ACBD6: variants seen among roughly 807,000 people sequenced by gnomAD.
ACBD6 encodes acyl-CoA binding domain containing 6, also known as acyl-CoA-binding domain-containing protein 6.
ACBD6 carries 28 observed loss-of-function variants against 37.2 expected under a neutral mutation model. The ratio of observed to expected loss-of-function variants is 0.75; its 90% CI spans 0.56 to 1.03. The LOEUF (loss-of-function observed/expected upper bound fraction) is 1.03, where lower values mean the gene tolerates loss of function less well. Ranked by LOEUF, ACBD6 falls within the 50% of genes least tolerant of loss-of-function variation. The pLI, the probability that ACBD6 is intolerant of heterozygous loss-of-function variation, is 0.00. For synonymous variants in ACBD6, 113 were observed against 126.8 expected (o/e 0.89, Z 0.73); for missense variants, 340 against 337.4 (o/e 1.01, Z -0.06).
At chr1:180,432,062 C>A (rs1198788959) in intron 3 of ACBD6, among the ~76,000 whole-genome samples, 1 of 151,956 alleles carries the variant, frequency 6.6e-6, no homozygotes, top group Non-Finnish European at 1.5e-5. Context: ...AAAAAACTAG[C>A]CAGGCATGGT....
chr1:180,479,215 A>G (rs531439781), intron 3 of ACBD6, among the ~76,000 whole-genome samples: 1 of 152,334 alleles, frequency 6.6e-6, no homozygotes, highest in South Asian at 2.1e-4. Context: ...TTGCAGCACT[A>G]TTCACAATGG....
At chr1:180,468,846 G>C (rs1448610686) in intron 3 of ACBD6, among the ~76,000 whole-genome samples, 2 of 152,180 alleles carry the variant, frequency 1.3e-5, no homozygotes, top group African/African-American at 2.4e-5. Flanking sequence ...CCTTATCCTA[G>C]TTTCCACAAC....
At chr1:180,436,860 C>T (rs1435725632) in intron 3 of ACBD6, among the ~76,000 whole-genome samples, 1 of 152,130 alleles carries the variant, frequency 6.6e-6, no homozygotes, top group Non-Finnish European at 1.5e-5. Context: ...TATGAAAAGG[C>T]CACAGTTAAC....
intron 6 of ACBD6, among the ~76,000 whole-genome samples, chr1:180,392,918 A>C (rs973148510): frequency 1.3e-5 from 2 of 152,070 alleles, no homozygotes; most frequent in Admixed American, 1.3e-4. Context: ...TTTTTCTTTT[A>C]AACTGCATAA....
At chr1:180,283,895 G>A (rs146451998), downstream of ACBD6, among the ~76,000 whole-genome samples, 962 of 152,048 alleles carry the variant, frequency 6.3e-3, 10 homozygotes, top group African/African-American at 0.022. Flanking sequence ...CAGCTGGTAC[G>A]TATATAATGC....
At chr1:180,301,758 A>C (rs909384103) in intron 7 of ACBD6, among the ~76,000 whole-genome samples, 1 of 152,126 alleles carries the variant, frequency 6.6e-6, no homozygotes, top group Non-Finnish European at 1.5e-5. Flanking sequence ...TTTTAACTGT[A>C]ATACACAATT....
chr1:180,336,978 G>C lies in ACBD6; in HGVS notation c.664-22256C>G, dbSNP rs190839944. Among the ~76,000 whole-genome samples the C allele has an allele frequency of 1.8e-3, 269 of 152,244 alleles. 1 individual carries two copies. The highest frequency in any genetic ancestry group is 5.8e-3 in the African/African-American group (241 of 41,520). On this transcript the variant is annotated intron_variant, in intron 6 of 7. Transcript: ENST00000367595. ...CAGGAAGAAGTTGAATCTCTGAAGAGACCAATAACAGGCTCTGAAATTGAG... is the reference window on the plus strand; with the variant it reads ...CAGGAAGAAGTTGAATCTCTGAAGACACCAATAACAGGCTCTGAAATTGAG...
At chr1:180,339,043 G>C (rs1651861892) in intron 6 of ACBD6, among the ~76,000 whole-genome samples, 1 of 152,248 alleles carries the variant, frequency 6.6e-6, no homozygotes, top group South Asian at 2.1e-4. Context: ...AGGTGCTAGA[G>C]AGGATGTGGA....
intron 3 of ACBD6, among the ~76,000 whole-genome samples, chr1:180,487,021 GA>G (rs113671368): frequency 0.037 from 5,502 of 149,996 alleles, 313 homozygotes; most frequent in African/African-American, 0.12. Context: ...GCAAGAAAGG[GA>G]AAAAAAAATG....
At chr1:180,322,825 C>A (rs955802502) in intron 6 of ACBD6, among the ~76,000 whole-genome samples, 27 of 148,196 alleles carry the variant, frequency 1.8e-4, no homozygotes, top group African/African-American at 5.4e-4. Flanking sequence ...TGACTGTATT[C>A]TTTCCTTCAT....
At chr1:180,501,927 AAT>A in intron 1 of ACBD6, 116 bp downstream of exon 1, 3 of 994,782 alleles carry the variant, frequency 3.0e-6, no homozygotes, top group Admixed American at 2.2e-5. Context: ...AACAAAACAA[AAT>A]ACACATACAC....
intron 3 of ACBD6, among the ~76,000 whole-genome samples, chr1:180,474,492 A>G (rs897540006): frequency 5.3e-5 from 8 of 152,140 alleles, no homozygotes; most frequent in Non-Finnish European, 1.5e-5. Context: ...TGTCATGTGG[A>G]GAAAATAATT....
Position 180,353,429 on chromosome 1 carries a change from T to C in ACBD6, c.664-38707A>G, listed in dbSNP as rs148595713. ...CAGAAAAAATTTGGGCAGCATTTCATAGAAGACAACTGCAACTCTGAACAT... is the reference window on the plus strand; with the variant it reads ...CAGAAAAAATTTGGGCAGCATTTCACAGAAGACAACTGCAACTCTGAACAT... On this transcript the variant is annotated intron_variant, in intron 6 of 7. Transcript: ENST00000367595. 4.7e-3 allele frequency among the ~76,000 whole-genome samples: 718 copies of C among 152,284 alleles called. 5 individuals carry two copies. The highest frequency in any genetic ancestry group is 0.014 in the African/African-American group (596 of 41,556).
intron 3 of ACBD6, among the ~76,000 whole-genome samples, chr1:180,488,531 G>A (rs1476164455): frequency 6.6e-6 from 1 of 151,750 alleles, no homozygotes; most frequent in Non-Finnish European, 1.5e-5. Flanking sequence ...ACAGGGCTCT[G>A]GACTCATATA....
At chr1:180,424,305 T>C (rs1648495348) in intron 4 of ACBD6, among the ~76,000 whole-genome samples, 1 of 152,178 alleles carries the variant, frequency 6.6e-6, no homozygotes, top group Non-Finnish European at 1.5e-5. Context: ...TATAGTATGG[T>C]TACTATACTA....
At chr1:180,369,778 T>C (rs1653185605) in intron 6 of ACBD6, among the ~76,000 whole-genome samples, 2 of 152,206 alleles carry the variant, frequency 1.3e-5, no homozygotes, top group Admixed American at 1.3e-4. Context: ...GTACATCAAA[T>C]TTATCTTTAG....
chr1:180,345,366 C>T (rs1286101041), intron 6 of ACBD6, among the ~76,000 whole-genome samples: 1 of 152,140 alleles, frequency 6.6e-6, no homozygotes, highest in Non-Finnish European at 1.5e-5. Context: ...AAAACAGTTC[C>T]TCCTCTACAG....
chr1:180,455,025 T>C (rs1437017329), intron 3 of ACBD6, among the ~76,000 whole-genome samples: 6 of 152,206 alleles, frequency 3.9e-5, no homozygotes, highest in African/African-American at 1.2e-4. Flanking sequence ...ACTGGGTATA[T>C]ACCCAAAGGA....
chr1:180,346,733 G>A (rs1348784352), intron 6 of ACBD6, among the ~76,000 whole-genome samples: 1 of 152,182 alleles, frequency 6.6e-6, no homozygotes, highest in Non-Finnish European at 1.5e-5. Flanking sequence ...AATTTATTAT[G>A]CAGCAATAGA....
Sources: gnomAD v4.1 joint callset for allele counts (sites outside exome capture counted in the v4.1 genomes callset) on GRCh38, gnomAD v4.1.1 for gene constraint, MANE v1.5 for transcripts, NCBI Gene and HGNC (gene_info 2026-07-23, HGNC 2026-07-21) for gene names.